Variants in ASH1L observed in about 807,000 individuals in gnomAD.
ASH1L encodes histone-lysine N-methyltransferase ASH1L.
A neutral mutation model predicts 269.0 loss-of-function variants in ASH1L; 23 were observed. The ratio of observed to expected loss-of-function variants is 0.09; its 90% CI spans 0.06 to 0.12. ASH1L has a LOEUF of 0.12. ASH1L is among the 10% of genes least tolerant of loss of function. The probability of loss-of-function intolerance (pLI) is 1.00; values close to 1 mark genes in which losing one functional copy is unlikely to be tolerated. For missense variants in ASH1L, 2,912 were observed against 3,567.8 expected, an observed-to-expected ratio of 0.82 and a Z score of 4.68; for synonymous variants, 1,187 against 1,253.5, an observed-to-expected ratio of 0.95 and a Z score of 1.12.
rs992374500 is a variant in ASH1L, at chr1:155,357,612, T to C, written c.6933A>G (p.Arg2311=). ...TTTTCTTCAGCTTGTGCTTAGACTT[T>C]CTCTTCTCTTTTGACCGTCCAGATT... ...HKKSGRSKEK[R]KSKHKLKKRR... Residue 2311 remains arginine, a synonymous_variant, in exon 14 of 28, where the codon AGA becomes AGG. Transcript: ENST00000392403. 1 of 1,613,992 alleles carries C rather than the reference T, an allele frequency of 6.2e-7. No homozygotes were observed. Among genetic ancestry groups the C allele is most frequent in the East Asian group, 2.2e-5 (1 of 44,892 alleles).
chr1:155,401,860 AG>A (rs1490421347), intron 6 of ASH1L, among the ~76,000 whole-genome samples: 6 of 151,908 alleles, frequency 3.9e-5, no homozygotes, highest in African/African-American at 1.5e-4. Context: ...AGGCCAAGGC[AG>A]GTGGATCACC....
At chr1:155,360,514 G>A (rs924020400) in intron 12 of ASH1L, 105 bp from the exon 13 acceptor site, 1 of 654,734 alleles carries the variant, frequency 1.5e-6, no homozygotes, top group Non-Finnish European at 2.7e-6. Context: ...TGCGATCTTG[G>A]CTCACCGCAA....
chr1:155,395,261 C>G (rs1188088670), intron 7 of ASH1L, among the ~76,000 whole-genome samples, 198 bp downstream of exon 7: 1 of 152,094 alleles, frequency 6.6e-6, no homozygotes, highest in Admixed American at 6.6e-5. Flanking sequence ...CTCCAATGAA[C>G]AAGATTTATG....
In ASH1L at chr1:155,467,919, C is replaced by T. The variant is rs538041257; in HGVS notation, c.4985-8021G>A. ...TTACAAAGATAGTACAGAGAATACT[C>T]GTATGTCCTTTACCCAACATCCCCC... On this transcript the variant is annotated intron_variant, in intron 3 of 27. Coordinates refer to ENST00000392403, the MANE Select transcript of ASH1L (RefSeq NM_018489.3). Among the ~76,000 whole-genome samples the T allele has an allele frequency of 3.3e-5, 5 of 152,054 alleles. No individual in the cohort carries two copies. The South Asian group carries it at 6.2e-4, about 19-fold the overall frequency.
chr1:155,338,737 C>T (rs73006946), intron 26 of ASH1L, among the ~76,000 whole-genome samples: 277 of 152,278 alleles, frequency 1.8e-3, no homozygotes, highest in African/African-American at 6.5e-3. Context: ...AATAATCCAA[C>T]TACAATAATA....
In ASH1L at chr1:155,438,771, A is replaced by G; in HGVS notation, c.5384T>C (p.Ile1795Thr). 3 of 1,614,132 alleles carry G rather than the reference A, an allele frequency of 1.9e-6. No individual in the cohort carries two copies. Among genetic ancestry groups the G allele is most frequent in the Non-Finnish European group, 2.5e-6 (3 of 1,180,028 alleles). ...CATAGCTTCCACTACACTTCTCTTG[A>G]TATGATGGGGGGAACAGCTGCTTGT... ...KLTSSCSPHH[I>T]KRSVVEAMQR... Residue 1795 changes from isoleucine to threonine, a missense_variant, in exon 5 of 28, where the codon ATC becomes ACC. Physicochemically the swap from Ile to Thr is moderately conservative, Grantham distance 89. Coordinates refer to ENST00000392403, the MANE Select transcript of ASH1L (RefSeq NM_018489.3).
At chr1:155,432,504 A>G (rs1661685313) in intron 5 of ASH1L, among the ~76,000 whole-genome samples, 2 of 152,234 alleles carry the variant, frequency 1.3e-5, no homozygotes, top group Admixed American at 1.3e-4. Context: ...TACATATTAT[A>G]TAACAAGTAC....
chr1:155,335,402 A>G lies in ASH1L; in HGVS notation c.*2258T>C, dbSNP rs1652221016. On this transcript the variant is annotated 3_prime_UTR_variant, in exon 28 of 28. Coordinates refer to ENST00000392403, the MANE Select transcript of ASH1L (RefSeq NM_018489.3). The stretch of plus-strand genomic sequence containing the variant: ...AACATCAAAACAATCATCTATTTAG[A>G]TATGCTTTTGTAAAAAGGAAATATA... 6.5e-6 allele frequency: 1 copy of G among 152,778 alleles called. No homozygotes were observed. Among genetic ancestry groups the G allele is most frequent in the Non-Finnish European group, 1.5e-5 (1 of 68,042 alleles). 9.5% of individuals were successfully genotyped at this position (152,778 alleles called of 1,614,324 possible).
At chr1:155,346,132 C>A (rs1208161528) in intron 21 of ASH1L, 1 of 1,372,424 alleles carries the variant, frequency 7.3e-7, no homozygotes, top group South Asian at 1.2e-5. Flanking sequence ...CCGTGCCCGG[C>A]CAAAAACCTT....
At chr1:155,404,826 G>A (rs1247403633) in intron 6 of ASH1L, among the ~76,000 whole-genome samples, 2 of 151,748 alleles carry the variant, frequency 1.3e-5, no homozygotes, top group African/African-American at 2.4e-5. Context: ...TCAAGAGATC[G>A]AGACCGTCCT....
intron 5 of ASH1L, among the ~76,000 whole-genome samples, chr1:155,434,977 G>T (rs188188129): frequency 6.6e-6 from 1 of 152,164 alleles, no homozygotes; most frequent in African/African-American, 2.4e-5. Flanking sequence ...GGCCAACATG[G>T]GGAAACCCCG....
At chr1:155,547,882 A>G (rs1317293832) in intron 1 of ASH1L, among the ~76,000 whole-genome samples, 1 of 152,220 alleles carries the variant, frequency 6.6e-6, no homozygotes, top group African/African-American at 2.4e-5. Context: ...AGGCTAAAGC[A>G]GGAGAATGGC....
chr1:155,463,241 G>C (rs1174364047), intron 3 of ASH1L, among the ~76,000 whole-genome samples: 3 of 152,046 alleles, frequency 2.0e-5, no homozygotes, highest in East Asian at 1.9e-4. Flanking sequence ...GAGCAGAGTC[G>C]AGTGCGATAT....
At chr1:155,541,098 A>C (rs1190882661) in intron 1 of ASH1L, among the ~76,000 whole-genome samples, 8 of 152,148 alleles carry the variant, frequency 5.3e-5, no homozygotes, top group Non-Finnish European at 1.2e-4. Context: ...TATACCAATT[A>C]AGTTATTTAA....
chr1:155,436,653 C>T (rs1307495332), intron 5 of ASH1L, among the ~76,000 whole-genome samples: 1 of 151,658 alleles, frequency 6.6e-6, no homozygotes, highest in African/African-American at 2.4e-5. Context: ...CACACCACCA[C>T]GCCTGGCTAA....
intron 8 of ASH1L, 80 bp downstream of exon 8, chr1:155,379,963 G>T: frequency 9.8e-7 from 1 of 1,015,832 alleles, no homozygotes; most frequent in Non-Finnish European, 1.5e-6. Context: ...ACATAACAAG[G>T]GGAGAGAAAA....
intron 15 of ASH1L, among the ~76,000 whole-genome samples, chr1:155,354,970 G>A (rs1297045079): frequency 1.3e-5 from 2 of 152,156 alleles, no homozygotes; most frequent in Non-Finnish European, 2.9e-5. Context: ...AGGAGAACTG[G>A]ACTGGCAAAT....
intron 1 of ASH1L, among the ~76,000 whole-genome samples, chr1:155,524,859 TAGGGA>T (rs1669133491): frequency 1.3e-5 from 2 of 151,572 alleles, no homozygotes; most frequent in Non-Finnish European, 2.9e-5. Flanking sequence ...AATACATAAT[TAGGGA>T]AGGGAGAAAA....
At chr1:155,450,335 T>C (rs1282768692) in intron 4 of ASH1L, among the ~76,000 whole-genome samples, 2 of 152,256 alleles carry the variant, frequency 1.3e-5, no homozygotes, top group African/African-American at 4.8e-5. Context: ...CTGTGGGATA[T>C]AGTTTTAATG....
Sources: gnomAD v4.1 joint callset for allele counts (sites outside exome capture counted in the v4.1 genomes callset) on GRCh38, gnomAD v4.1.1 for gene constraint, MANE v1.5 for transcripts, NCBI Gene and HGNC (gene_info 2026-07-23, HGNC 2026-07-21) for gene names.